RBKS: variants seen among roughly 807,000 people sequenced by gnomAD.
RBKS encodes the protein ribokinase.
In RBKS, 33 loss-of-function variants were observed where a neutral mutation model predicts 33.9. The observed-to-expected ratio is 0.97, with a 90% CI of 0.74 to 1.30. The LOEUF (loss-of-function observed/expected upper bound fraction) is 1.30. Ranked by LOEUF, RBKS falls within the 50% of genes most tolerant of loss-of-function variation. RBKS has a pLI of 0.00. For missense variants in RBKS, 361 were observed against 392.6 expected, an observed-to-expected ratio of 0.92 and a Z score of 0.68; for synonymous variants, 125 against 143.0, an observed-to-expected ratio of 0.87 and a Z score of 0.90.
intron 7 of RBKS, among the ~76,000 whole-genome samples, chr2:27,812,513 G>A (rs1450374251): frequency 1.3e-5 from 2 of 152,200 alleles, no homozygotes; most frequent in African/African-American, 4.8e-5. Context: ...TATATACCAT[G>A]GAATACTATG....
At chr2:27,840,336 ACACACACACACACACACACGCGCGCGCG>A (rs1663459206) in intron 5 of RBKS, among the ~76,000 whole-genome samples, 1 of 133,364 alleles carries the variant, frequency 7.5e-6, no homozygotes, top group Non-Finnish European at 1.5e-5. Context: ...TTACACACAC[ACACACACACACACACACACGCGCGCGCG>A]CACACACACA....
chr2:27,826,621 T>C (rs1051563114), intron 7 of RBKS, among the ~76,000 whole-genome samples: 1 of 152,178 alleles, frequency 6.6e-6, no homozygotes, highest in Admixed American at 6.5e-5. Context: ...TTGGCCAGGA[T>C]GTTCTCGATC....
At chr2:27,793,526 G>T (rs146641028) in intron 7 of RBKS, among the ~76,000 whole-genome samples, 1 of 152,152 alleles carries the variant, frequency 6.6e-6, no homozygotes, top group East Asian at 1.9e-4. Flanking sequence ...CCTCAAATGC[G>T]TAAGACAGAC....
intron 5 of RBKS, among the ~76,000 whole-genome samples, chr2:27,836,074 C>T (rs1451211145): frequency 2.6e-5 from 4 of 151,736 alleles, no homozygotes; most frequent in South Asian, 2.1e-4. Context: ...ATTTGCCAGG[C>T]GTGGTGGCAT....
chr2:27,890,121 G>A lies in RBKS; in HGVS notation c.89+136C>T, dbSNP rs1458135632. ...GCCAGGAAGGTAGGCTGAAGGCTTC[G>A]AAAACCTGCAGCTCATACCCAAAGC... On this transcript the variant is annotated intron_variant, in intron 1 of 7. Coordinates refer to ENST00000302188, the MANE Select transcript of RBKS (RefSeq NM_022128.3). The surrounding 1 kb of genome is among the most constrained non-coding windows in gnomAD (Gnocchi z 4.8). 16 of 709,204 alleles carry A rather than the reference G, an allele frequency of 2.3e-5. No individual in the cohort carries two copies. The highest frequency in any genetic ancestry group is 3.2e-5 in the Non-Finnish European group (14 of 432,604). The allele number at this position is 709,204 out of a possible 1,614,324, so 43.9% of individuals were successfully genotyped here.
intron 4 of RBKS, among the ~76,000 whole-genome samples, chr2:27,845,961 T>C (rs1341572817): frequency 6.6e-6 from 1 of 151,946 alleles, no homozygotes; most frequent in Non-Finnish European, 1.5e-5. Flanking sequence ...TTGAAGGTTG[T>C]TACCATTTTT....
Position 27,868,990 on chromosome 2 carries a change from C to A in RBKS, c.90-10419G>T, listed in dbSNP as rs1364680744. Among the ~76,000 whole-genome samples the A allele has an allele frequency of 2.6e-5, 4 of 152,214 alleles. No homozygotes were observed. The South Asian group carries it at 6.2e-4, about 24-fold the overall frequency. On this transcript the variant is annotated intron_variant, in intron 1 of 7. Transcript: ENST00000302188. ...TCAATTCACTTAATCATTACAATAA[C>A]CCCATGAGAAAGTTATTATTATTTT...
chr2:27,870,164 G>A (rs1664174478), intron 1 of RBKS: 1 of 152,372 alleles, frequency 6.6e-6, no homozygotes, highest in Non-Finnish European at 1.5e-5. Flanking sequence ...GGGGAAAGAA[G>A]GCCCTGGTTC....
intron 7 of RBKS, 128 bp from the exon 8 acceptor site, chr2:27,781,916 CAG>C: frequency 6.4e-6 from 5 of 783,502 alleles, no homozygotes; most frequent in Non-Finnish European, 9.6e-6. Flanking sequence ...AAGGATAATA[CAG>C]AGTTTCCACG....
At chr2:27,867,119 GC>G (rs1664118018) in intron 1 of RBKS, among the ~76,000 whole-genome samples, 1 of 114,794 alleles carries the variant, frequency 8.7e-6, no homozygotes, top group Non-Finnish European at 1.9e-5. Flanking sequence ...AAAAAAAAAT[GC>G]CTTTTTGCTA....
chr2:27,808,204 G>T (rs1455304452), intron 7 of RBKS, among the ~76,000 whole-genome samples: 1 of 152,204 alleles, frequency 6.6e-6, no homozygotes, highest in African/African-American at 2.4e-5. Context: ...GCACTTCACT[G>T]CCCAAAGTGA....
At chr2:27,866,972 C>T (rs532276096) in intron 1 of RBKS, among the ~76,000 whole-genome samples, 36 of 151,984 alleles carry the variant, frequency 2.4e-4, no homozygotes, top group Non-Finnish European at 4.3e-4. Flanking sequence ...GGTATGGTGG[C>T]GTGCACCTGT....
intron 7 of RBKS, among the ~76,000 whole-genome samples, chr2:27,821,292 C>T (rs930339411): frequency 4.6e-5 from 7 of 151,678 alleles, no homozygotes; most frequent in African/African-American, 1.2e-4. Context: ...TTATTTTTTT[C>T]GTATTTCTTA....
chr2:27,890,367 A>C lies in RBKS; in HGVS notation c.-22T>G. The C allele has an allele frequency of 6.2e-7, 1 of 1,608,908 alleles. No individual in the cohort carries two copies. The highest frequency in any genetic ancestry group is 8.5e-7 in the Non-Finnish European group (1 of 1,178,344). ...CCATCGCTCAAAGGTGCTGCTGTCC[A>C]ACCTGGACGGTGACCTCTGCCCTTT... On this transcript the variant is annotated 5_prime_UTR_variant, in exon 1 of 8. Coordinates refer to ENST00000302188, the MANE Select transcript of RBKS (RefSeq NM_022128.3). This position sits in a 1 kb window ranked among gnomAD's most constrained non-coding sequence, Gnocchi z 4.8.
intron 5 of RBKS, among the ~76,000 whole-genome samples, chr2:27,842,356 T>C (rs552183620): frequency 1.3e-5 from 2 of 152,302 alleles, no homozygotes; most frequent in Admixed American, 6.5e-5. Context: ...TTTTGTAGGT[T>C]TGAAAATTTC....
intron 7 of RBKS, chr2:27,782,559 G>C: frequency 2.2e-6 from 1 of 453,398 alleles, no homozygotes; most frequent in South Asian, 1.6e-5. Context: ...GGATATGTCC[G>C]TTTTTCTTAC....
chr2:27,803,967 G>A (rs929395676), intron 7 of RBKS, among the ~76,000 whole-genome samples: 12 of 152,074 alleles, frequency 7.9e-5, no homozygotes, highest in African/African-American at 9.7e-5. Flanking sequence ...ACTTGAACCC[G>A]GGAGGTGGAG....
chr2:27,870,840 G>A (rs1227383109), intron 1 of RBKS: 9 of 463,748 alleles, frequency 1.9e-5, no homozygotes, highest in African/African-American at 1.6e-4. Context: ...CTGCAGCTGT[G>A]GTGTGGGCTG....
intron 7 of RBKS, among the ~76,000 whole-genome samples, chr2:27,791,063 T>C (rs1445306457): frequency 6.6e-6 from 1 of 152,106 alleles, no homozygotes; most frequent in Non-Finnish European, 1.5e-5. Context: ...CTGTGGCACA[T>C]CCAGACAAGG....
Sources: gnomAD v4.1 joint callset for allele counts (sites outside exome capture counted in the v4.1 genomes callset) on GRCh38, gnomAD v4.1.1 for gene constraint, Gnocchi (gnomAD v3.1) non-coding constraint, MANE v1.5 for transcripts, NCBI Gene and HGNC (gene_info 2026-07-23, HGNC 2026-07-21) for gene names.